FAAH2: variants seen among roughly 807,000 people sequenced by gnomAD.
The protein encoded by FAAH2 is fatty acid amide hydrolase 2.
In FAAH2, 60 loss-of-function variants were observed where a neutral mutation model predicts 36.9. That is an observed-to-expected ratio of 1.63 (90% CI 1.32 to 2.02). FAAH2 has a LOEUF of 2.02. Ranked by LOEUF, FAAH2 falls within the 30% of genes most tolerant of loss-of-function variation. The pLI is 0.00. For synonymous variants in FAAH2, 214 were observed against 143.8 expected (o/e 1.49, Z -3.49); for missense variants, 689 against 397.5 (o/e 1.73, Z -6.23).
the FAAH2 span, among the ~76,000 whole-genome samples, chrX:57,200,240 G>A: frequency 8.4e-5 from 9 of 107,352 alleles, no homozygotes; most frequent in African/African-American, 3.1e-4. Context: ...TATTTTTTAT[G>A]TATCTGTATG....
At chrX:57,283,907 G>A (rs1048059651), upstream of FAAH2, among the ~76,000 whole-genome samples, 2 of 111,846 alleles carry the variant, frequency 1.8e-5, no homozygotes, top group Admixed American at 1.9e-4. Flanking sequence ...ATTGTGCTTG[G>A]GGCCCAGGTC....
At chrX:57,140,519 C>T in the FAAH2 span, among the ~76,000 whole-genome samples, 6 of 104,115 alleles carry the variant, frequency 5.8e-5, no homozygotes, top group African/African-American at 2.1e-4. Context: ...GGCGTGAACC[C>T]GGGAAGCAGA....
chrX:57,217,036 A>G, the FAAH2 span, among the ~76,000 whole-genome samples: 1 of 111,233 alleles, frequency 9.0e-6, no homozygotes, highest in Non-Finnish European at 1.9e-5. Context: ...AGTGATGTTG[A>G]ACATTTTTTC....
the FAAH2 span, among the ~76,000 whole-genome samples, chrX:57,233,553 G>T: frequency 7.1e-5 from 8 of 111,943 alleles, no homozygotes; most frequent in African/African-American, 1.9e-4. Context: ...AAGGTGAGGG[G>T]GGAGGACTTT....
chrX:57,324,853 C>A lies in FAAH2; in HGVS notation c.413-6745C>A, dbSNP rs868152108. ...TATTTCCTTCTCCTGCCTAATTGCC[C>A]TGGCCATAACTTCCAACACTATGTT... On this transcript the variant is annotated intron_variant, in intron 3 of 10. Transcript: ENST00000374900. 8.9e-5 allele frequency among the ~76,000 whole-genome samples: 10 copies of A among 111,752 alleles called. No individual in the cohort carries two copies. The Admixed American group carries it at 9.5e-4, about 11-fold the overall frequency.
chrX:57,262,856 A>C, the FAAH2 span, among the ~76,000 whole-genome samples: 3 of 111,936 alleles, frequency 2.7e-5, no homozygotes, highest in Admixed American at 1.9e-4. Flanking sequence ...CTAAGAAATA[A>C]AATTATATGA....
Position 57,351,561 on chromosome X carries a change from T to G in FAAH2, c.742+10171T>G, listed in dbSNP as rs187208398. On this transcript the variant is annotated intron_variant, in intron 5 of 10. Transcript: ENST00000374900. ...TCAATGAAATTTGAAGTTGGACAGA[T>G]AAAGAAAATTGATCAACTGTGAGCT... Among the ~76,000 whole-genome samples, 10 of 109,642 alleles carry G rather than the reference T, an allele frequency of 9.1e-5. No homozygotes were observed. The East Asian group carries it at 2.6e-3, about 28-fold the overall frequency.
chrX:57,140,472 G>A, the FAAH2 span, among the ~76,000 whole-genome samples: 1 of 104,508 alleles, frequency 9.6e-6, no homozygotes, highest in African/African-American at 3.5e-5. Context: ...GCAGGTGCCT[G>A]TAGTCCCAGC....
chrX:57,265,320 G>C, the FAAH2 span, among the ~76,000 whole-genome samples: 2 of 111,611 alleles, frequency 1.8e-5, no homozygotes, highest in African/African-American at 6.5e-5. Flanking sequence ...TGAATCCAGG[G>C]GGCCAAGCTG....
Position 57,312,291 on chromosome X carries a change from G to A in FAAH2, c.412+1562G>A, listed in dbSNP as rs146046320. Among the ~76,000 whole-genome samples, 1,090 of 111,884 alleles carry A rather than the reference G, an allele frequency of 9.7e-3. 15 individuals carry two copies. The highest frequency in any genetic ancestry group is 0.034 in the African/African-American group (1,052 of 30,763). On this transcript the variant is annotated intron_variant, in intron 3 of 10. Coordinates refer to ENST00000374900, the MANE Select transcript of FAAH2 (RefSeq NM_174912.4). The stretch of plus-strand genomic sequence containing the variant: ...CCATTACTCTTATGCTTCATCTACT[G>A]GATTGCAGCCCAAACTACAACATCA...
chrX:57,194,768 A>G, the FAAH2 span, among the ~76,000 whole-genome samples: 1 of 110,437 alleles, frequency 9.1e-6, no homozygotes, highest in African/African-American at 3.3e-5. Context: ...CCCAAAGTCT[A>G]TTGTGTCATT....
At chrX:57,195,297 C>T in the FAAH2 span, among the ~76,000 whole-genome samples, 9 of 111,348 alleles carry the variant, frequency 8.1e-5, no homozygotes, top group South Asian at 3.7e-4. Context: ...TTTAAATTAT[C>T]GCCATTCTTG....
chrX:57,156,032 C>T, the FAAH2 span, among the ~76,000 whole-genome samples: 2 of 112,103 alleles, frequency 1.8e-5, no homozygotes, highest in Middle Eastern at 4.6e-3. Flanking sequence ...TTTGAGCTGT[C>T]TCCTGGGTCT....
In FAAH2 at chrX:57,376,942, T is replaced by G. The variant is rs748703246; in HGVS notation, c.743-1709T>G. Among the ~76,000 whole-genome samples, 56 of 112,373 alleles carry G rather than the reference T, an allele frequency of 5.0e-4. No homozygotes were observed. The South Asian group carries it at 7.4e-3, about 15-fold the overall frequency. On this transcript the variant is annotated intron_variant, in intron 5 of 10. Coordinates refer to ENST00000374900, the MANE Select transcript of FAAH2 (RefSeq NM_174912.4). Reference sequence around the variant, plus strand: ...CTTTTTTTTGCATATGTTTGTTGGCTGCATAAATGTCTTCTTTTGAAAAGT... The same window carrying G: ...CTTTTTTTTGCATATGTTTGTTGGCGGCATAAATGTCTTCTTTTGAAAAGT...
chrX:57,437,965 A>G lies in FAAH2; in HGVS notation c.1116+5928A>G, dbSNP rs771127547. 2.0e-4 allele frequency among the ~76,000 whole-genome samples: 21 copies of G among 103,992 alleles called. No individual in the cohort carries two copies. In the East Asian group the frequency reaches 4.8e-3, roughly 24 times the overall value. The allele number at this position is 103,992 out of a possible 115,157, so 90.3% of individuals were successfully genotyped here. ...GGTACATGTATACACATATATACAT[A>G]CGTATATGTATACACATATGTACAT... On this transcript the variant is annotated intron_variant, in intron 8 of 10. Transcript: ENST00000374900.
chrX:57,340,322 C>G (rs769916284), intron 4 of FAAH2, among the ~76,000 whole-genome samples: 3 of 111,771 alleles, frequency 2.7e-5, no homozygotes, highest in African/African-American at 9.7e-5. Flanking sequence ...CCTGCCTCTC[C>G]CAGTCCACTG....
chrX:57,253,685 G>T, the FAAH2 span, among the ~76,000 whole-genome samples: 1 of 111,304 alleles, frequency 9.0e-6, no homozygotes, highest in Admixed American at 9.6e-5. Context: ...CATAAGTGAA[G>T]AGGAATAAAA....
intron 10 of FAAH2, among the ~76,000 whole-genome samples, chrX:57,457,700 CAAAA>C (rs142534517): frequency 1.2e-5 from 1 of 86,356 alleles, no homozygotes; most frequent in African/African-American, 4.2e-5. Flanking sequence ...ACAATAGCCA[CAAAA>C]AAAAAAAAAA....
chrX:57,439,000 G>T (rs757822027), intron 8 of FAAH2, among the ~76,000 whole-genome samples: 8 of 110,636 alleles, frequency 7.2e-5, no homozygotes, highest in African/African-American at 2.6e-4. Flanking sequence ...CCAGTCTATC[G>T]TTGTTGGACA....
Sources: gnomAD v4.1 joint callset for allele counts (sites outside exome capture counted in the v4.1 genomes callset) on GRCh38, gnomAD v4.1.1 for gene constraint, MANE v1.5 for transcripts, NCBI Gene and HGNC (gene_info 2026-07-23, HGNC 2026-07-21) for gene names.